CSMD1: variants seen among roughly 807,000 people sequenced by gnomAD.
The protein encoded by CSMD1 is CUB and sushi domain-containing protein 1.
In CSMD1, 213 loss-of-function variants were observed where a neutral mutation model predicts 417.5. That is an observed-to-expected ratio of 0.51 (90% confidence interval 0.46 to 0.57). The LOEUF (loss-of-function observed/expected upper bound fraction) is 0.57, where lower values mean the gene tolerates loss of function less well. Ranked by LOEUF, CSMD1 falls within the 20% of genes least tolerant of loss-of-function variation. CSMD1 has a pLI of 0.00. For synonymous variants in CSMD1, 2,862 were observed against 1,736.8 expected (o/e 1.65, Z -16.11); for missense variants, 6,923 against 4,529.7 (o/e 1.53, Z -15.17).
At chr8:2,959,913 C>T (rs1803313588) in intron 62 of CSMD1, among the ~76,000 whole-genome samples, 1 of 152,164 alleles carries the variant, frequency 6.6e-6, no homozygotes, top group East Asian at 1.9e-4. Flanking sequence ...GTAAATCTTG[C>T]TGTTGGATAA....
intron 18 of CSMD1, among the ~76,000 whole-genome samples, chr8:3,372,559 G>T (rs1302158506): frequency 1.3e-5 from 2 of 152,122 alleles, no homozygotes; most frequent in Non-Finnish European, 2.9e-5. Flanking sequence ...TAGAGCCGGT[G>T]GGACTTTCTC....
rs566420211 is a variant in CSMD1 at position 3,941,858 on chromosome 8, C to A, written c.818+56045G>T. On this transcript the variant is annotated intron_variant, in intron 5 of 69. Coordinates refer to ENST00000635120, the MANE Select transcript of CSMD1 (RefSeq NM_033225.6). ...TTCCTTAAACCAAAAGGGTCCCCAA[C>A]CCTGGCTATGGGCCAGTGTCAGTCT... Among the ~76,000 whole-genome samples, 3 of 152,246 alleles carry A rather than the reference C, an allele frequency of 2.0e-5. No homozygotes were observed. The South Asian group carries it at 6.2e-4, about 32-fold the overall frequency.
At position 4,915,754 on chromosome 8, in the gene CSMD1, C is replaced by A. The variant is rs143949266; in HGVS notation, c.85+78578G>T. On this transcript the variant is annotated intron_variant, in intron 1 of 69. Coordinates refer to ENST00000635120, the MANE Select transcript of CSMD1 (RefSeq NM_033225.6). The stretch of plus-strand genomic sequence containing the variant: ...GGAGACAGACATCCATTTGGATTTT[C>A]CTGGCGGGGATTCAAACTTTTAGCA... Among the ~76,000 whole-genome samples the A allele has an allele frequency of 4.7e-3, 714 of 152,328 alleles. 4 individuals carry two copies. Among genetic ancestry groups the A allele is most frequent in the African/African-American group, 0.016 (653 of 41,580 alleles).
At chr8:3,801,157 C>T (rs999080604) in intron 5 of CSMD1, among the ~76,000 whole-genome samples, 13 of 151,498 alleles carry the variant, frequency 8.6e-5, no homozygotes, top group Non-Finnish European at 7.4e-5. Context: ...GCAAAGGATA[C>T]CACCAAGAAA....
At chr8:3,443,479 G>C (rs922813259) in intron 12 of CSMD1, among the ~76,000 whole-genome samples, 2 of 152,268 alleles carry the variant, frequency 1.3e-5, no homozygotes, top group Admixed American at 6.5e-5. Context: ...TCTATATATA[G>C]AGATATCTAC....
chr8:4,937,367 C>G lies in CSMD1; in HGVS notation c.85+56965G>C, dbSNP rs141746227. 1.3e-3 allele frequency among the ~76,000 whole-genome samples: 201 copies of G among 152,226 alleles called. 1 individual carries two copies. The highest frequency in any genetic ancestry group is 4.4e-3 in the African/African-American group (181 of 41,546). ...AATAGTGAAAGCACACCTGCTGGGA[C>G]TTGATGTAGTGTATTCTTTACTGGG... On this transcript the variant is annotated intron_variant, in intron 1 of 69. Transcript: ENST00000635120.
intron 6 of CSMD1, among the ~76,000 whole-genome samples, chr8:3,715,281 G>C (rs557027395): frequency 1.9e-4 from 29 of 152,230 alleles, no homozygotes; most frequent in Non-Finnish European, 3.5e-4. Context: ...GTTAACGTGT[G>C]ATTTGTGCTG....
chr8:3,244,280 G>C (rs1431895493), intron 26 of CSMD1, among the ~76,000 whole-genome samples: 1 of 152,132 alleles, frequency 6.6e-6, no homozygotes, highest in Non-Finnish European at 1.5e-5. Flanking sequence ...AGCCTGCGAA[G>C]CTCCTTGTTT....
intron 41 of CSMD1, among the ~76,000 whole-genome samples, chr8:3,129,898 C>CT (rs1441766611): frequency 6.6e-6 from 1 of 151,976 alleles, no homozygotes; most frequent in Non-Finnish European, 1.5e-5. Context: ...GGAGAATCAC[C>CT]TGAGCCCGGG....
chr8:4,723,006 A>T (rs1018752916), intron 1 of CSMD1, among the ~76,000 whole-genome samples: 4 of 152,172 alleles, frequency 2.6e-5, no homozygotes, highest in African/African-American at 9.7e-5. Context: ...GCATTACAAG[A>T]GTCTCACTGA....
intron 26 of CSMD1, among the ~76,000 whole-genome samples, chr8:3,240,590 G>A (rs538865403): frequency 6.6e-5 from 10 of 152,066 alleles, no homozygotes; most frequent in Non-Finnish European, 8.8e-5. Flanking sequence ...CTTTGCGGCA[G>A]TACAGCCCGG....
At chr8:4,555,837 A>G (rs1312101596) in intron 2 of CSMD1, among the ~76,000 whole-genome samples, 22 of 152,232 alleles carry the variant, frequency 1.4e-4, no homozygotes, top group Admixed American at 1.2e-3. Context: ...AGCCAGAGTT[A>G]TAAAATACGA....
At chr8:3,286,960 T>C (rs1803207457) in intron 25 of CSMD1, among the ~76,000 whole-genome samples, 1 of 152,180 alleles carries the variant, frequency 6.6e-6, no homozygotes, top group East Asian at 1.9e-4. Flanking sequence ...GTTTTAGTTC[T>C]AACATTTAAG....
intron 2 of CSMD1, among the ~76,000 whole-genome samples, chr8:4,473,078 G>C (rs746452087): frequency 1.3e-5 from 2 of 152,018 alleles, no homozygotes; most frequent in Non-Finnish European, 2.9e-5. Context: ...ATATGGGCCT[G>C]AATTATGTAA....
intron 5 of CSMD1, among the ~76,000 whole-genome samples, chr8:3,932,199 C>A (rs368803405): frequency 6.7e-6 from 1 of 150,322 alleles, no homozygotes; most frequent in Non-Finnish European, 1.5e-5. Flanking sequence ...TTCATCGATA[C>A]TTTGGTCCCA....
intron 11 of CSMD1, among the ~76,000 whole-genome samples, chr8:3,475,161 G>A (rs1349573108): frequency 6.6e-6 from 1 of 151,080 alleles, no homozygotes; most frequent in African/African-American, 2.4e-5. Flanking sequence ...ATTCTCGCTG[G>A]GCATTTCTTA....
At chr8:4,623,843 T>G (rs1436109394) in intron 2 of CSMD1, among the ~76,000 whole-genome samples, 2 of 152,012 alleles carry the variant, frequency 1.3e-5, no homozygotes, top group African/African-American at 4.8e-5. Flanking sequence ...CAACAAAACT[T>G]AGAACACAGG....
intron 1 of CSMD1, among the ~76,000 whole-genome samples, chr8:4,961,351 A>C (rs890900945): frequency 4.6e-5 from 7 of 152,072 alleles, no homozygotes; most frequent in Admixed American, 1.3e-4. Context: ...ACATTCTTTC[A>C]ACCTGACCTG....
At chr8:4,089,667 G>T (rs1487733899) in intron 3 of CSMD1, among the ~76,000 whole-genome samples, 2 of 152,178 alleles carry the variant, frequency 1.3e-5, no homozygotes. Flanking sequence ...AATGGGCTTA[G>T]TAAAGTGCTT....
Sources: gnomAD v4.1 joint callset for allele counts (sites outside exome capture counted in the v4.1 genomes callset) on GRCh38, gnomAD v4.1.1 for gene constraint, MANE v1.5 for transcripts, NCBI Gene and HGNC (gene_info 2026-07-23, HGNC 2026-07-21) for gene names.